PHACTR3: variants seen among roughly 807,000 people sequenced by gnomAD.
The protein encoded by PHACTR3 is phosphatase and actin regulator 3.
A neutral mutation model predicts 66.8 loss-of-function variants in PHACTR3; 16 were observed. The observed-to-expected ratio is 0.24, with a 90% CI of 0.16 to 0.36. The LOEUF (loss-of-function observed/expected upper bound fraction) is 0.36, where lower values mean the gene tolerates loss of function less well. PHACTR3 is among the 10% of genes least tolerant of loss of function. The pLI, the probability that PHACTR3 is intolerant of heterozygous loss-of-function variation, is 1.00. For synonymous variants in PHACTR3, 323 were observed against 292.1 expected, an observed-to-expected ratio of 1.11 and a Z score of -1.08; for missense variants, 647 against 719.9, an observed-to-expected ratio of 0.90 and a Z score of 1.16.
At chr20:59,716,646 G>T (rs2038102607) in intron 1 of PHACTR3, among the ~76,000 whole-genome samples, 1 of 152,148 alleles carries the variant, frequency 6.6e-6, no homozygotes, top group South Asian at 2.1e-4. Context: ...AGTCCCCTAA[G>T]CTCAGAGCCC....
chr20:59,793,259 T>C (rs1368373998), intron 7 of PHACTR3, among the ~76,000 whole-genome samples: 3 of 152,184 alleles, frequency 2.0e-5, no homozygotes, highest in Non-Finnish European at 4.4e-5. Flanking sequence ...TTGCTGTAAA[T>C]ATTCAGTGTC....
In PHACTR3 at chr20:59,723,023, T is replaced by G. The variant is rs190079914; in HGVS notation, c.119-20084T>G. ...ACCATCTTGGTTTTCTTCCCTTTTT[T>G]TCTTTTTTATTTATTTCTCTTTTTC... On this transcript the variant is annotated intron_variant, in intron 1 of 12. Transcript: ENST00000371015. Among the ~76,000 whole-genome samples the G allele has an allele frequency of 1.7e-3, 264 of 152,184 alleles. 2 individuals are homozygous for G. Among genetic ancestry groups the G allele is most frequent in the Non-Finnish European group, 2.6e-3 (179 of 67,992 alleles).
At chr20:59,732,610 A>AG (rs2038807216) in intron 1 of PHACTR3, among the ~76,000 whole-genome samples, 1 of 152,090 alleles carries the variant, frequency 6.6e-6, no homozygotes, top group East Asian at 1.9e-4. Flanking sequence ...AGGGCTGCTG[A>AG]GGGGGCAGCC....
intron 1 of PHACTR3, among the ~76,000 whole-genome samples, chr20:59,688,354 T>C (rs1048564985): frequency 6.6e-6 from 1 of 152,164 alleles, no homozygotes; most frequent in African/African-American, 2.4e-5. Context: ...TTGGGGGCCA[T>C]GTAAGCCTCT....
chr20:59,635,139 C>CTT (rs1555881145), intron 1 of PHACTR3, among the ~76,000 whole-genome samples: 4,692 of 70,408 alleles, frequency 0.067, 170 homozygotes, highest in Middle Eastern at 0.12. Context: ...TTCTTTCTTT[C>CTT]TTTCTTTCTT....
intron 7 of PHACTR3, among the ~76,000 whole-genome samples, chr20:59,775,257 A>G (rs2153170): frequency 0.64 from 96,990 of 151,922 alleles, 32,048 homozygotes; most frequent in Non-Finnish European, 0.71. Flanking sequence ...GATTAGTCCC[A>G]GGAAGGTCCA....
intron 1 of PHACTR3, among the ~76,000 whole-genome samples, chr20:59,612,888 T>C (rs59830919): frequency 6.6e-6 from 1 of 152,166 alleles, no homozygotes; most frequent in Non-Finnish European, 1.5e-5. Flanking sequence ...CTTCCAATTA[T>C]GGCAGAAGGC....
At chr20:59,841,810 G>C (rs1475461067) in intron 11 of PHACTR3, among the ~76,000 whole-genome samples, 1 of 152,034 alleles carries the variant, frequency 6.6e-6, no homozygotes, top group Non-Finnish European at 1.5e-5. Flanking sequence ...TAGAGGCCAG[G>C]GACACTGCTC....
At chr20:59,715,615 T>G (rs1375782093) in intron 1 of PHACTR3, among the ~76,000 whole-genome samples, 1 of 152,232 alleles carries the variant, frequency 6.6e-6, no homozygotes. Flanking sequence ...GGCTTTGGTA[T>G]GAAGGTTATG....
At chr20:59,622,216 C>A (rs892163871) in intron 1 of PHACTR3, among the ~76,000 whole-genome samples, 1 of 151,872 alleles carries the variant, frequency 6.6e-6, no homozygotes, top group Non-Finnish European at 1.5e-5. Context: ...GGGTCAAGGC[C>A]ATGGTGCATC....
At chr20:59,838,649 G>C (rs1156735049) in intron 9 of PHACTR3, among the ~76,000 whole-genome samples, 2 of 152,170 alleles carry the variant, frequency 1.3e-5, no homozygotes, top group East Asian at 3.8e-4. Context: ...TTCAACCCCA[G>C]GTCTGCCTAA....
chr20:59,678,953 G>T (rs1236831875), intron 1 of PHACTR3, among the ~76,000 whole-genome samples: 1 of 141,438 alleles, frequency 7.1e-6, no homozygotes, highest in African/African-American at 2.7e-5. Context: ...GAGTTAGCAG[G>T]TCTGGGTGGG....
intron 7 of PHACTR3, among the ~76,000 whole-genome samples, chr20:59,780,098 T>G (rs2040672885): frequency 6.6e-6 from 1 of 152,194 alleles, no homozygotes; most frequent in Non-Finnish European, 1.5e-5. Flanking sequence ...GAGGGGCTGC[T>G]ATGGGAATCC....
chr20:59,692,432 C>A (rs1282798642), intron 1 of PHACTR3, among the ~76,000 whole-genome samples: 2 of 152,164 alleles, frequency 1.3e-5, no homozygotes. Context: ...TTGCCAGGGG[C>A]CTGGGCTTGT....
chr20:59,797,914 A>G (rs1310359741), intron 7 of PHACTR3, among the ~76,000 whole-genome samples: 1 of 151,942 alleles, frequency 6.6e-6, no homozygotes, highest in East Asian at 1.9e-4. Flanking sequence ...TTTTTCAGGA[A>G]TATTGGTCTT....
intron 5 of PHACTR3, among the ~76,000 whole-genome samples, chr20:59,772,074 G>A (rs949235593): frequency 6.6e-6 from 1 of 152,220 alleles, no homozygotes; most frequent in East Asian, 1.9e-4. Context: ...CAGGCAAGTA[G>A]GCTAAGCCTT....
chr20:59,628,501 T>A (rs1432782428), intron 1 of PHACTR3: 1 of 384,048 alleles, frequency 2.6e-6, no homozygotes, highest in Non-Finnish European at 3.6e-6. Flanking sequence ...GCTTTGGCCC[T>A]CGGAGTGCAG....
rs372195057 is a variant in PHACTR3 at position 59,724,686 on chromosome 20, G to A, written c.119-18421G>A. Among the ~76,000 whole-genome samples, 157 of 152,242 alleles carry A rather than the reference G, an allele frequency of 1.0e-3. 1 individual carries two copies. The highest frequency in any genetic ancestry group is 3.2e-3 in the African/African-American group (135 of 41,554). On this transcript the variant is annotated intron_variant, in intron 1 of 12. Coordinates refer to ENST00000371015, the MANE Select transcript of PHACTR3 (RefSeq NM_080672.5). Reference sequence around the variant, plus strand: ...GTTAGCCTTTTGCAGTTAGCTGATCGTTTTCACCTCAGCTTGAGGCATCTC... The same window carrying A: ...GTTAGCCTTTTGCAGTTAGCTGATCATTTTCACCTCAGCTTGAGGCATCTC...
intron 1 of PHACTR3, among the ~76,000 whole-genome samples, chr20:59,647,204 A>G (rs1462710221): frequency 6.6e-6 from 1 of 152,226 alleles, no homozygotes; most frequent in Non-Finnish European, 1.5e-5. Flanking sequence ...CATGTCTTAC[A>G]TGGCAGCAGG....
Sources: allele counts gnomAD v4.1 joint callset (sites outside exome capture counted in the v4.1 genomes callset), GRCh38; gene constraint gnomAD v4.1.1; transcripts MANE v1.5; gene names NCBI Gene and HGNC (gene_info 2026-07-23, HGNC 2026-07-21).